CALN1: variants seen among roughly 807,000 people sequenced by gnomAD.
CALN1 encodes the protein calcium-binding protein 8.
CALN1 carries 17 observed loss-of-function variants against 30.6 expected under a neutral mutation model. The observed-to-expected ratio is 0.56, with a 90% CI of 0.38 to 0.83. The LOEUF is 0.83. CALN1 is among the 40% of genes least tolerant of loss of function. CALN1 has a pLI of 0.00. For missense variants in CALN1, 291 were observed against 354.9 expected, an observed-to-expected ratio of 0.82 and a Z score of 1.45; for synonymous variants, 156 against 131.4, an observed-to-expected ratio of 1.19 and a Z score of -1.28.
At chr7:71,830,870 GC>G (rs573642046) in intron 5 of CALN1, among the ~76,000 whole-genome samples, 71 of 152,216 alleles carry the variant, frequency 4.7e-4, no homozygotes, top group African/African-American at 1.7e-3. Flanking sequence ...TTTTGCTGTG[GC>G]CCACACATAA....
chr7:72,227,809 C>T (rs1793797657), intron 3 of CALN1, among the ~76,000 whole-genome samples: 1 of 152,028 alleles, frequency 6.6e-6, no homozygotes, highest in African/African-American at 2.4e-5. Flanking sequence ...GAGACTGCAC[C>T]ACTGCACTCT....
intron 2 of CALN1, among the ~76,000 whole-genome samples, chr7:72,331,893 A>G (rs6968000): frequency 0.99 from 151,215 of 152,190 alleles, 75,132 homozygotes; most frequent in Middle Eastern, 1. Context: ...GTGTTTGTGC[A>G]TCCCCATGGG....
At chr7:72,387,424 A>G (rs1346040819) in intron 2 of CALN1, among the ~76,000 whole-genome samples, 1 of 152,120 alleles carries the variant, frequency 6.6e-6, no homozygotes, top group Non-Finnish European at 1.5e-5. Context: ...CTCCCAAAGG[A>G]TACAGTACGG....
chr7:72,065,836 T>A (rs1045163252), intron 4 of CALN1, among the ~76,000 whole-genome samples: 36 of 151,988 alleles, frequency 2.4e-4, no homozygotes, highest in African/African-American at 8.7e-4. Context: ...GAGGTTGCAG[T>A]GAGCCAAGAT....
chr7:71,814,103 C>T (rs1472516743), intron 5 of CALN1, among the ~76,000 whole-genome samples: 7 of 152,012 alleles, frequency 4.6e-5, no homozygotes, highest in Non-Finnish European at 7.4e-5. Context: ...ACAATGTCAT[C>T]CAGGGTCACT....
chr7:72,443,634 C>G (rs903791482), intron 1 of CALN1, among the ~76,000 whole-genome samples: 1 of 151,818 alleles, frequency 6.6e-6, no homozygotes, highest in African/African-American at 2.4e-5. Flanking sequence ...TTGAAAGAAG[C>G]CTTTCCCAAG....
At chr7:72,022,695 C>A (rs1030024185) in intron 5 of CALN1, among the ~76,000 whole-genome samples, 6 of 152,180 alleles carry the variant, frequency 3.9e-5, no homozygotes, top group African/African-American at 1.4e-4. Flanking sequence ...AATTCAGCTT[C>A]CCCAGCCAAA....
Position 71,811,018 on chromosome 7 carries a change from CG to C in CALN1, c.502-527del, listed in dbSNP as rs767683785. Among the ~76,000 whole-genome samples the C allele has an allele frequency of 1.1e-4, 16 of 151,888 alleles. No individual in the cohort carries two copies. In the East Asian group the frequency reaches 2.9e-3, roughly 28 times the overall value. ...CAAGCGATTCTCCTGCCTCAGCCTC[CG>C]TAGTAGCTGGAATTACAGGTGCCCG... is the stretch of plus-strand genomic sequence containing the variant. On this transcript the variant is annotated intron_variant, in intron 5 of 6. Coordinates refer to ENST00000395275, the MANE Select transcript of CALN1 (RefSeq NM_031468.4).
At chr7:72,047,942 C>T (rs1802578090) in intron 4 of CALN1, among the ~76,000 whole-genome samples, 1 of 152,002 alleles carries the variant, frequency 6.6e-6, no homozygotes, top group African/African-American at 2.4e-5. Context: ...CAGTGGTCTC[C>T]ATGATGTGAG....
At chr7:72,408,048 G>C (rs140734919) in intron 1 of CALN1, among the ~76,000 whole-genome samples, 137 of 152,192 alleles carry the variant, frequency 9.0e-4, no homozygotes, top group Middle Eastern at 3.4e-3. Flanking sequence ...GCGCAGGCAG[G>C]AGCAACCTTG....
At chr7:72,357,626 A>G (rs928488072) in intron 2 of CALN1, among the ~76,000 whole-genome samples, 6 of 151,700 alleles carry the variant, frequency 4.0e-5, no homozygotes, top group African/African-American at 1.5e-4. Context: ...ATCAGAATCT[A>G]CAAAAGCGAG....
Position 72,407,502 on chromosome 7 carries a change from G to A in CALN1, c.-73-4060C>T, listed in dbSNP as rs539305079. Among the ~76,000 whole-genome samples the A allele has an allele frequency of 5.9e-4, 90 of 152,280 alleles. No homozygotes were observed. The Middle Eastern group carries it at 0.01, about 17-fold the overall frequency. On this transcript the variant is annotated intron_variant, in intron 1 of 6. Transcript: ENST00000395275. Reference sequence around the variant, plus strand: ...CTCATGAGATCTGGTTGTTGCAAGTGTGTGCAAACAACTTTGCTGCTTCCC... The same window carrying A: ...CTCATGAGATCTGGTTGTTGCAAGTATGTGCAAACAACTTTGCTGCTTCCC...
chr7:72,347,181 A>G (rs997605189), intron 2 of CALN1, among the ~76,000 whole-genome samples: 6 of 152,180 alleles, frequency 3.9e-5, no homozygotes, highest in African/African-American at 1.4e-4. Flanking sequence ...GTGCAATGAA[A>G]TCCACATGAA....
At chr7:72,423,123 G>A (rs987932193) in intron 1 of CALN1, among the ~76,000 whole-genome samples, 97 of 149,480 alleles carry the variant, frequency 6.5e-4, no homozygotes, top group African/African-American at 1.7e-3. Context: ...AAAAAAAAAA[G>A]AAAAAGAAAA....
At chr7:71,825,182 T>C (rs1417636193) in intron 5 of CALN1, among the ~76,000 whole-genome samples, 1 of 152,150 alleles carries the variant, frequency 6.6e-6, no homozygotes, top group African/African-American at 2.4e-5. Context: ...GACACCAATG[T>C]AACCAGAGAG....
chr7:72,393,775 A>T (rs1319986181), intron 2 of CALN1, among the ~76,000 whole-genome samples: 4 of 141,310 alleles, frequency 2.8e-5, no homozygotes, highest in Admixed American at 7.3e-5. Context: ...TTTGAGACAG[A>T]GTCTCGCTCT....
intron 4 of CALN1, among the ~76,000 whole-genome samples, chr7:72,074,115 T>C (rs1161669628): frequency 1.3e-5 from 2 of 152,218 alleles, no homozygotes; most frequent in Non-Finnish European, 2.9e-5. Context: ...TATAGCAGGT[T>C]AAAACATGAA....
intron 6 of CALN1, 121 bp downstream of exon 6, chr7:71,810,215 T>C: frequency 9.9e-7 from 1 of 1,012,900 alleles, no homozygotes; most frequent in Non-Finnish European, 1.4e-6. Flanking sequence ...TCCTGGATTT[T>C]TGGCTTCAGT....
intron 5 of CALN1, among the ~76,000 whole-genome samples, chr7:71,905,389 T>C (rs902005826): frequency 1.3e-5 from 2 of 151,904 alleles, no homozygotes; most frequent in Non-Finnish European, 2.9e-5. Context: ...GTAGTTTTTT[T>C]TTTTTTTATC....
Sources: allele counts gnomAD v4.1 joint callset (sites outside exome capture counted in the v4.1 genomes callset), GRCh38; gene constraint gnomAD v4.1.1; transcripts MANE v1.5; gene names NCBI Gene and HGNC (gene_info 2026-07-23, HGNC 2026-07-21).